The following MSR1 variants were observed in gnomAD, a reference collection of about 807,000 sequenced individuals.
MSR1 encodes macrophage scavenger receptor types I and II.
MSR1 carries 53 observed loss-of-function variants against 47.2 expected under a neutral mutation model. The ratio of observed to expected loss-of-function variants is 1.12; its 90% CI spans 0.90 to 1.41. MSR1 has a LOEUF of 1.41. Among genes scored for constraint, MSR1 ranks in the 40% most tolerant of loss-of-function variants. MSR1 has a pLI of 0.00. For missense variants in MSR1, 786 were observed against 546.9 expected (o/e 1.44, Z -4.36); for synonymous variants, 239 against 185.6 (o/e 1.29, Z -2.34).
intron 3 of MSR1, among the ~76,000 whole-genome samples, chr8:16,169,279 A>T (rs1239280004): frequency 6.6e-6 from 1 of 152,218 alleles, no homozygotes; most frequent in Non-Finnish European, 1.5e-5. Flanking sequence ...GAATATGTTA[A>T]CAATGGCAGT....
intron 8 of MSR1, among the ~76,000 whole-genome samples, chr8:16,136,579 A>G (rs1003581329): frequency 5.3e-5 from 8 of 151,980 alleles, no homozygotes; most frequent in Non-Finnish European, 8.8e-5. Context: ...ACACTCTATT[A>G]AGGAACACAT....
chr8:16,157,362 G>A (rs75152394), intron 5 of MSR1, among the ~76,000 whole-genome samples: 9,792 of 151,734 alleles, frequency 0.065, 672 homozygotes, highest in East Asian at 0.33. Context: ...GAATAGATCA[G>A]TATTATTTTA....
intron 7 of MSR1, among the ~76,000 whole-genome samples, chr8:16,146,744 T>C (rs1008756783): frequency 6.6e-6 from 1 of 152,156 alleles, no homozygotes; most frequent in African/African-American, 2.4e-5. Context: ...TAAAGCTTTA[T>C]GCTATGCCCC....
At chr8:16,166,164 CTTTTTTTTTTTTTT>C (rs397892292) in intron 4 of MSR1, among the ~76,000 whole-genome samples, 3 of 71,306 alleles carry the variant, frequency 4.2e-5, no homozygotes, top group South Asian at 1.4e-3. Flanking sequence ...CTTTTTCTTT[CTTTTTTTTTTTTTT>C]TTTTTTTTTT....
intron 8 of MSR1, chr8:16,139,538 G>A (rs1800473732): frequency 3.0e-6 from 3 of 984,228 alleles, no homozygotes; most frequent in Non-Finnish European, 3.6e-6. Flanking sequence ...GGAAAGAAGA[G>A]TTGTGAAAAT....
chr8:16,176,947 T>G (rs1397426365), intron 2 of MSR1, among the ~76,000 whole-genome samples: 1 of 152,238 alleles, frequency 6.6e-6, no homozygotes, highest in Non-Finnish European at 1.5e-5. Flanking sequence ...TATATGCTGC[T>G]TCTTCACACT....
At chr8:16,191,947 T>G (rs1668263693) in intron 1 of MSR1, among the ~76,000 whole-genome samples, 1 of 152,206 alleles carries the variant, frequency 6.6e-6, no homozygotes. Context: ...AGTAATTATC[T>G]ATAGCATTTT....
At chr8:16,186,029 C>T (rs1801988297) in intron 1 of MSR1, 5 of 760,404 alleles carry the variant, frequency 6.6e-6, no homozygotes, top group Non-Finnish European at 1.0e-5. Flanking sequence ...AAATCCATAA[C>T]CTGCCACATA....
chr8:16,181,345 C>G (rs1176774404), intron 1 of MSR1, among the ~76,000 whole-genome samples: 1 of 152,128 alleles, frequency 6.6e-6, no homozygotes, highest in Admixed American at 6.6e-5. Flanking sequence ...TCCATATCCT[C>G]TCCAGCATCT....
At chr8:16,191,133 T>G (rs975552926) in intron 1 of MSR1, among the ~76,000 whole-genome samples, 3 of 152,226 alleles carry the variant, frequency 2.0e-5, no homozygotes, top group Admixed American at 2.0e-4. Context: ...CAGTTGAATG[T>G]GTATATAAAA....
chr8:16,148,432 A>G (rs1475165402), intron 7 of MSR1, among the ~76,000 whole-genome samples: 4 of 152,066 alleles, frequency 2.6e-5, no homozygotes, highest in Non-Finnish European at 5.9e-5. Flanking sequence ...CAGCACATTA[A>G]TGTTTATAGC....
chr8:16,124,194 C>A (rs1800076467), intron 8 of MSR1, among the ~76,000 whole-genome samples: 2 of 152,152 alleles, frequency 1.3e-5, no homozygotes, highest in African/African-American at 2.4e-5. Context: ...GAGTCACTTG[C>A]ATGAACATGG....
intron 5 of MSR1, among the ~76,000 whole-genome samples, chr8:16,160,322 A>C (rs1447731771): frequency 6.1e-4 from 93 of 152,054 alleles, no homozygotes; most frequent in Admixed American, 6.1e-3. Context: ...TAAAATAATT[A>C]AAATTGATAG....
intron 2 of MSR1, 71 bp from the exon 3 acceptor site, chr8:16,175,371 T>C (rs1011016021): frequency 5.9e-5 from 73 of 1,229,558 alleles, no homozygotes; most frequent in Non-Finnish European, 7.7e-5. Context: ...ATTGTTTTAA[T>C]CTCCAATTAT....
chr8:16,142,828 G>T (rs534020252), intron 8 of MSR1, among the ~76,000 whole-genome samples: 1 of 152,146 alleles, frequency 6.6e-6, no homozygotes, highest in South Asian at 2.1e-4. Flanking sequence ...TTTCTACTGG[G>T]AATACAGAGG....
intron 4 of MSR1, among the ~76,000 whole-genome samples, chr8:16,167,562 C>G (rs1801350179): frequency 6.6e-6 from 1 of 151,988 alleles, no homozygotes; most frequent in South Asian, 2.1e-4. Context: ...AACAAACAAA[C>G]AAACAAACAA....
intron 8 of MSR1, 40 bp from the exon 9 acceptor site, chr8:16,120,646 A>C: frequency 6.5e-7 from 1 of 1,539,388 alleles, no homozygotes; most frequent in Non-Finnish European, 8.7e-7. Context: ...AAAAAAGGCA[A>C]GCAAGGACTA....
At chr8:16,182,112 C>G (rs2117222700) in intron 1 of MSR1, among the ~76,000 whole-genome samples, 1 of 152,268 alleles carries the variant, frequency 6.6e-6, no homozygotes, top group South Asian at 2.1e-4. Context: ...AGGATTCACA[C>G]CTATATAGCA....
intron 8 of MSR1, among the ~76,000 whole-genome samples, chr8:16,138,146 G>C (rs1297822815): frequency 1.3e-5 from 2 of 152,098 alleles, no homozygotes; most frequent in Non-Finnish European, 2.9e-5. Context: ...TCCTATCGTT[G>C]TTTGAGTTTT....
Sources: gnomAD v4.1 joint callset for allele counts (sites outside exome capture counted in the v4.1 genomes callset) on GRCh38, gnomAD v4.1.1 for gene constraint, MANE v1.5 for transcripts, NCBI Gene and HGNC (gene_info 2026-07-23, HGNC 2026-07-21) for gene names.